The following MYH16 variants were observed in gnomAD, a reference collection of about 807,000 sequenced individuals.
MYH16 encodes myosin heavy chain 16.
chr7:99,269,882 T>C (rs1792027443), intron 18 of MYH16, among the ~76,000 whole-genome samples: 1 of 146,954 alleles, frequency 6.8e-6, no homozygotes, highest in Non-Finnish European at 1.5e-5. Flanking sequence ...TTTTTTTTTT[T>C]TTTTTTTTTG....
At position 99,284,422 on chromosome 7, in the gene MYH16, C is replaced by T. The variant is rs548897786; in HGVS notation, n.3225+404C>T. Among the ~76,000 whole-genome samples, 5 of 152,240 alleles carry T rather than the reference C, an allele frequency of 3.3e-5. No homozygotes were observed. The East Asian group carries it at 9.6e-4, about 29-fold the overall frequency. ...CCTGGGCAACATAGCAAGACCCCGT[C>T]TACAAAAAATACAAAAATTAACTGG... On this transcript the variant is annotated intron_variant and non_coding_transcript_variant, in intron 25 of 41. Coordinates refer to ENST00000439784, the Ensembl canonical transcript of MYH16.
intron 20 of MYH16, among the ~76,000 whole-genome samples, chr7:99,274,660 A>G (rs1039407173): frequency 2.1e-5 from 3 of 145,426 alleles, no homozygotes; most frequent in Non-Finnish European, 4.5e-5. Context: ...CTTTCTTTAC[A>G]TTAATTCACT....
intron 20 of MYH16, among the ~76,000 whole-genome samples, chr7:99,276,908 A>C (rs1028495675): frequency 4.6e-5 from 7 of 151,882 alleles, no homozygotes; most frequent in African/African-American, 1.2e-4. Flanking sequence ...AGACAGAGAT[A>C]AGAGAGACAG....
In MYH16 at chr7:99,285,458, C is replaced by T. The variant is rs558810308; in HGVS notation, n.3373+20C>T. On this transcript the variant is annotated intron_variant and non_coding_transcript_variant, in intron 27 of 41. Transcript: ENST00000439784. ...GCCAAGGTAAATGAAATACGTTTCC[C>T]CTTCTTGAGTCAAAAGACCTAACGG... 4.4e-6 allele frequency: 2 copies of T among 456,690 alleles called. No homozygotes were observed. The highest frequency in any genetic ancestry group is 2.3e-5 in the Admixed American group (1 of 42,572). 28.3% of individuals were successfully genotyped at this position (456,690 alleles called of 1,614,324 possible).
intron 1 of MYH16, among the ~76,000 whole-genome samples, chr7:99,242,247 T>C (rs1791675537): frequency 6.6e-6 from 1 of 152,096 alleles, no homozygotes; most frequent in Non-Finnish European, 1.5e-5. Flanking sequence ...CACCTACTGA[T>C]GAATGCTCAT....
intron 4 of MYH16, among the ~76,000 whole-genome samples, chr7:99,249,572 GT>G (rs1195632373): frequency 0.063 from 7,294 of 116,614 alleles, 334 homozygotes; most frequent in African/African-American, 0.18. Context: ...GAAAAGTGCT[GT>G]TTTTTTTTTT....
chr7:99,297,955 C>T (rs1792527438), exon 36 of MYH16: 6 of 456,574 alleles, frequency 1.3e-5, no homozygotes, highest in South Asian at 4.6e-5. Flanking sequence ...TGACATCGAC[C>T]GAAGAATCCA....
chr7:99,256,911 A>T (rs752683952), intron 9 of MYH16, among the ~76,000 whole-genome samples: 1 of 152,188 alleles, frequency 6.6e-6, no homozygotes. Flanking sequence ...TGATCGTGCC[A>T]CTGCACTCTA....
chr7:99,263,071 C>T (rs1255434030), intron 13 of MYH16, among the ~76,000 whole-genome samples: 8 of 152,094 alleles, frequency 5.3e-5, no homozygotes, highest in African/African-American at 1.7e-4. Flanking sequence ...ATGTGCAAAG[C>T]TCAGAGTTGG....
chr7:99,305,050 G>T (rs1032564741), intron 40 of MYH16, among the ~76,000 whole-genome samples: 2 of 152,162 alleles, frequency 1.3e-5, no homozygotes, highest in East Asian at 3.9e-4. Context: ...TTAGCTGGGT[G>T]TGGTGGCACA....
chr7:99,267,848 G>A (rs757642724), intron 18 of MYH16, among the ~76,000 whole-genome samples: 6 of 152,134 alleles, frequency 3.9e-5, no homozygotes, highest in African/African-American at 9.7e-5. Flanking sequence ...CAACATGATC[G>A]CCCCGTGACA....
intron 23 of MYH16, among the ~76,000 whole-genome samples, chr7:99,282,115 C>T (rs572907236): frequency 2.6e-5 from 4 of 152,234 alleles, no homozygotes; most frequent in African/African-American, 4.8e-5. Context: ...CTCCGCCTCC[C>T]GGGTTCAAGT....
chr7:99,294,901 G>T (rs143938602), intron 33 of MYH16, among the ~76,000 whole-genome samples: 5,761 of 152,232 alleles, frequency 0.038, 296 homozygotes, highest in African/African-American at 0.11. Context: ...TTAGCCAGGT[G>T]TGGTGGCACA....
chr7:99,249,528 G>A (rs1173943500), intron 4 of MYH16, among the ~76,000 whole-genome samples: 2 of 122,476 alleles, frequency 1.6e-5, no homozygotes, highest in Non-Finnish European at 3.2e-5. Context: ...GACAGAGCAA[G>A]ACCCTCTCTC....
chr7:99,285,874 G>A (rs991903623), intron 27 of MYH16, among the ~76,000 whole-genome samples: 53 of 152,364 alleles, frequency 3.5e-4, no homozygotes, highest in Middle Eastern at 3.4e-3. Flanking sequence ...CAGGACGTGA[G>A]CCCAGAAAGC....
At chr7:99,248,784 T>A (rs1791769523) in intron 3 of MYH16, among the ~76,000 whole-genome samples, 1 of 152,172 alleles carries the variant, frequency 6.6e-6, no homozygotes, top group Admixed American at 6.5e-5. Flanking sequence ...AAATTCCTGA[T>A]CCTTTCTGCA....
At chr7:99,304,063 C>T (rs779761012) in intron 39 of MYH16, among the ~76,000 whole-genome samples, 12 of 152,190 alleles carry the variant, frequency 7.9e-5, no homozygotes, top group Non-Finnish European at 1.6e-4. Context: ...CATCAGGCTC[C>T]TCTCACTTGA....
At chr7:99,280,557 T>A (rs1792187893) in intron 22 of MYH16, among the ~76,000 whole-genome samples, 1 of 152,186 alleles carries the variant, frequency 6.6e-6, no homozygotes, top group African/African-American at 2.4e-5. Flanking sequence ...CTGCCTAAAC[T>A]TGCGCTTCTC....
chr7:99,299,502 C>A (rs1792555913), exon 37 of MYH16: 1 of 153,090 alleles, frequency 6.5e-6, no homozygotes, highest in Admixed American at 6.6e-5. Context: ...CCTTGCAGGC[C>A]AGCCTAGAGG....
Sources: gnomAD v4.1 joint callset for allele counts (sites outside exome capture counted in the v4.1 genomes callset) on GRCh38, gnomAD v4.1.1 for gene constraint, MANE v1.5 for transcripts, NCBI Gene and HGNC (gene_info 2026-07-23, HGNC 2026-07-21) for gene names.